GLDC: variants seen among roughly 807,000 people sequenced by gnomAD.
The protein encoded by GLDC is glycine dehydrogenase (decarboxylating), mitochondrial.
GLDC carries 104 observed loss-of-function variants against 121.3 expected under a neutral mutation model. The ratio of observed to expected loss-of-function variants is 0.86; its 90% CI spans 0.73 to 1.01. GLDC has a LOEUF of 1.01. Among genes scored for constraint, GLDC ranks in the 50% least tolerant of loss-of-function variants. GLDC has a pLI of 0.00. For synonymous variants in GLDC, 546 were observed against 480.6 expected, an observed-to-expected ratio of 1.14 and a Z score of -1.78; for missense variants, 1,429 against 1,306.6, an observed-to-expected ratio of 1.09 and a Z score of -1.44.
intron 2 of GLDC, chr9:6,639,668 A>ATATATATATATATATATATATAT: frequency 4.1e-6 from 1 of 244,916 alleles, no homozygotes; most frequent in East Asian, 1.2e-4. Flanking sequence ...ATAAAAAAAA[A>ATATATATATATATATATATATAT]GTATATATAT....
chr9:6,581,104 T>C (rs1230073143), intron 15 of GLDC, among the ~76,000 whole-genome samples: 2 of 152,170 alleles, frequency 1.3e-5, no homozygotes, highest in East Asian at 1.9e-4. Context: ...GCCTCAAGTA[T>C]TGAGGGGTTA....
In GLDC at chr9:6,565,854, AT is replaced by A. The variant is rs141755910; in HGVS notation, c.1851-426del. ...ATTATATTTCTCACTAACCACTTTC[AT>A]GCTGAACTATATATTTTGAAGCAAA... is the stretch of plus-strand genomic sequence containing the variant. On this transcript the variant is annotated intron_variant, in intron 15 of 24. Coordinates refer to ENST00000321612, the MANE Select transcript of GLDC (RefSeq NM_000170.3). The A allele has an allele frequency of 1.5e-3, 519 of 338,456 alleles. 4 individuals are homozygous for A. The highest frequency in any genetic ancestry group is 0.011 in the African/African-American group (504 of 47,850). 21.0% of individuals were successfully genotyped at this position (338,456 alleles called of 1,614,324 possible). A position where few individuals can be genotyped will look rare whatever the true frequency, so the allele number is the denominator to read the frequency against.
intron 15 of GLDC, among the ~76,000 whole-genome samples, chr9:6,572,875 T>C (rs180784823): frequency 6.6e-6 from 1 of 152,220 alleles, no homozygotes; most frequent in Non-Finnish European, 1.5e-5. Context: ...TGGCACATAC[T>C]GTTAAATGTT....
At chr9:6,598,324 C>T (rs1276862349) in intron 8 of GLDC, among the ~76,000 whole-genome samples, 5 of 152,296 alleles carry the variant, frequency 3.3e-5, no homozygotes, top group Admixed American at 6.5e-5. Flanking sequence ...AGCCACCGCA[C>T]CCTGTTTTTT....
At chr9:6,642,486 A>G (rs556142185) in intron 2 of GLDC, among the ~76,000 whole-genome samples, 29 of 152,292 alleles carry the variant, frequency 1.9e-4, no homozygotes, top group African/African-American at 6.3e-4. Flanking sequence ...AGTAGAGATC[A>G]TGCCACTGCA....
At chr9:6,623,424 C>T (rs893324107) in intron 2 of GLDC, among the ~76,000 whole-genome samples, 10 of 148,106 alleles carry the variant, frequency 6.8e-5, no homozygotes, top group Admixed American at 1.4e-4. Context: ...GCAGCATGCT[C>T]GTTAAGAGTC....
intron 15 of GLDC, among the ~76,000 whole-genome samples, chr9:6,578,949 T>C (rs994145018): frequency 6.6e-6 from 1 of 152,224 alleles, no homozygotes; most frequent in African/African-American, 2.4e-5. Flanking sequence ...TATTTCTAGT[T>C]TCACTCCATG....
intron 4 of GLDC, among the ~76,000 whole-genome samples, chr9:6,608,921 C>A (rs910850485): frequency 1.3e-5 from 2 of 152,042 alleles, no homozygotes; most frequent in African/African-American, 4.8e-5. Flanking sequence ...AGAACCTGAA[C>A]CCACCCCCAA....
intron 3 of GLDC, among the ~76,000 whole-genome samples, chr9:6,611,375 G>A (rs1417299250): frequency 6.6e-6 from 1 of 152,070 alleles, no homozygotes; most frequent in African/African-American, 2.4e-5. Flanking sequence ...GGCTAACATG[G>A]TGAAACCCGT....
intron 15 of GLDC, among the ~76,000 whole-genome samples, chr9:6,586,558 G>T (rs913462350): frequency 6.6e-6 from 1 of 152,182 alleles, no homozygotes; most frequent in Non-Finnish European, 1.5e-5. Context: ...TCCTGGCCCT[G>T]CTAAACTGAG....
intron 2 of GLDC, among the ~76,000 whole-genome samples, chr9:6,637,097 T>C (rs547093602): frequency 1.3e-4 from 19 of 149,064 alleles, no homozygotes; most frequent in African/African-American, 4.7e-4. Flanking sequence ...GTTTTTTTTT[T>C]TAAAAAAGTC....
intron 7 of GLDC, among the ~76,000 whole-genome samples, chr9:6,604,051 T>C (rs1416626835): frequency 6.6e-6 from 1 of 152,146 alleles, no homozygotes; most frequent in African/African-American, 2.4e-5. Flanking sequence ...CTTTTCTTTT[T>C]TTTTTAAGGA....
intron 14 of GLDC, among the ~76,000 whole-genome samples, 195 bp downstream of exon 14, chr9:6,588,206 C>A (rs1818308022): frequency 6.6e-6 from 1 of 152,046 alleles, no homozygotes; most frequent in African/African-American, 2.4e-5. Context: ...TAAGTTTACC[C>A]ATACATTTAA....
intron 21 of GLDC, among the ~76,000 whole-genome samples, chr9:6,547,164 A>G (rs891370577): frequency 2.6e-5 from 4 of 152,146 alleles, no homozygotes; most frequent in African/African-American, 9.7e-5. Flanking sequence ...ATAAAATTAA[A>G]CGTGAGGAAG....
intron 15 of GLDC, chr9:6,566,493 C>G (rs1170895902): frequency 6.6e-6 from 1 of 152,218 alleles, no homozygotes; most frequent in Non-Finnish European, 1.5e-5. Context: ...TGACACCATT[C>G]CTGGCAGTCT....
intron 17 of GLDC, chr9:6,557,690 A>C (rs1817664133): frequency 6.6e-6 from 1 of 151,480 alleles, no homozygotes; most frequent in African/African-American, 2.4e-5. Context: ...AGTCTTCTTT[A>C]TTCTTTCCTT....
chr9:6,608,838 A>G (rs909951232), intron 4 of GLDC, among the ~76,000 whole-genome samples: 5 of 152,194 alleles, frequency 3.3e-5, no homozygotes, highest in African/African-American at 1.2e-4. Flanking sequence ...AAAATTAGCA[A>G]AAAGCTGAGA....
At chr9:6,536,890 T>C (rs1290112338) in intron 22 of GLDC, among the ~76,000 whole-genome samples, 1 of 152,240 alleles carries the variant, frequency 6.6e-6, no homozygotes, top group Non-Finnish European at 1.5e-5. Flanking sequence ...TGCCTTTACA[T>C]TGAACACAGG....
At chr9:6,573,517 A>G (rs1334332526) in intron 15 of GLDC, among the ~76,000 whole-genome samples, 2 of 151,986 alleles carry the variant, frequency 1.3e-5, no homozygotes, top group East Asian at 3.9e-4. Context: ...AAAATCCATC[A>G]TCAGTGCAGA....
Sources: gnomAD v4.1 joint callset for allele counts (sites outside exome capture counted in the v4.1 genomes callset) on GRCh38, gnomAD v4.1.1 for gene constraint, MANE v1.5 for transcripts, NCBI Gene and HGNC (gene_info 2026-07-23, HGNC 2026-07-21) for gene names.